DNAJC11: variants seen among roughly 807,000 people sequenced by gnomAD.
DNAJC11 encodes DnaJ heat shock protein family (Hsp40) member C11, also known as dnaJ homolog subfamily C member 11.
Under a neutral mutation model 78.6 loss-of-function variants are expected in DNAJC11, and 15 were observed. The ratio of observed to expected loss-of-function variants is 0.19; its 90% CI spans 0.13 to 0.29. The LOEUF (loss-of-function observed/expected upper bound fraction) is 0.29, where lower values mean the gene tolerates loss of function less well. Ranked by LOEUF, DNAJC11 falls within the 10% of genes least tolerant of loss-of-function variation. The pLI, the probability that DNAJC11 is intolerant of heterozygous loss-of-function variation, is 1.00. For synonymous variants in DNAJC11, 292 were observed against 272.1 expected (o/e 1.07, Z -0.72); for missense variants, 547 against 709.6 (o/e 0.77, Z 2.60).
In DNAJC11 at chr1:6,645,992, G is replaced by A. The variant is rs776886622; in HGVS notation, c.705-14C>T. The A allele has an allele frequency of 1.2e-5, 20 of 1,613,640 alleles. No individual in the cohort carries two copies. The highest frequency in any genetic ancestry group is 1.5e-5 in the Non-Finnish European group (18 of 1,179,682). On this transcript the variant is annotated splice_polypyrimidine_tract_variant and intron_variant, in intron 7 of 15. Transcript: ENST00000377577. This position sits in a 1 kb window ranked among gnomAD's most constrained non-coding sequence, Gnocchi z 4.1. ...GTTGTCACAAAGCTGGAGAGACACA[G>A]AGACAGAATAGGTCCTGGATAGCAC...
At chr1:6,693,985 G>A (rs372849245) in intron 1 of DNAJC11, among the ~76,000 whole-genome samples, 4 of 151,698 alleles carry the variant, frequency 2.6e-5, no homozygotes, top group African/African-American at 9.7e-5. Context: ...ACAGGCGCCC[G>A]CCATCAAGTC....
At chr1:6,696,241 T>A (rs1199664122) in intron 1 of DNAJC11, among the ~76,000 whole-genome samples, 1 of 152,272 alleles carries the variant, frequency 6.6e-6, no homozygotes, top group Non-Finnish European at 1.5e-5. Flanking sequence ...AGAGCCATCT[T>A]TATTTTTTAT....
chr1:6,692,159 CA>C (rs1183001699), intron 1 of DNAJC11, among the ~76,000 whole-genome samples: 2 of 152,122 alleles, frequency 1.3e-5, no homozygotes, highest in Non-Finnish European at 2.9e-5. Flanking sequence ...AAAATTAGAG[CA>C]TTAACATTTC....
chr1:6,653,431 C>A lies in DNAJC11; in HGVS notation c.507+480G>T, dbSNP rs1224582900. On this transcript the variant is annotated intron_variant, in intron 5 of 15. Coordinates refer to ENST00000377577, the MANE Select transcript of DNAJC11 (RefSeq NM_018198.4). The surrounding 1 kb of genome is among the most constrained non-coding windows in gnomAD (Gnocchi z 4.5). ...AATTAATGAGCTGAGGAGACAAAGA[C>A]CTACTATAAACGCTCAGGAGAATGA... Among the ~76,000 whole-genome samples the A allele has an allele frequency of 2.0e-5, 3 of 152,176 alleles. No individual in the cohort carries two copies. The highest frequency in any genetic ancestry group is 4.4e-5 in the Non-Finnish European group (3 of 68,030).
chr1:6,671,401 C>T (rs1172829738), intron 3 of DNAJC11, among the ~76,000 whole-genome samples: 1 of 151,958 alleles, frequency 6.6e-6, no homozygotes, highest in Non-Finnish European at 1.5e-5. Flanking sequence ...TGCCACCACG[C>T]CCGGCTAATT....
intron 4 of DNAJC11, among the ~76,000 whole-genome samples, chr1:6,655,848 A>G (rs1486562768): frequency 6.6e-6 from 1 of 151,962 alleles, no homozygotes. Context: ...TCATGCCTGT[A>G]ATCCCAGCAC....
At chr1:6,664,262 C>CA (rs1334477127) in intron 4 of DNAJC11, among the ~76,000 whole-genome samples, 7 of 147,306 alleles carry the variant, frequency 4.8e-5, no homozygotes, top group South Asian at 4.3e-4. Context: ...TTTTTTGAGA[C>CA]AGAGTCTCAC....
At position 6,649,501 on chromosome 1, in the gene DNAJC11, C is replaced by T. The variant is rs192818619; in HGVS notation, c.704+2028G>A. ...ACTGCTTTGGTGCCTAAGCGGCCTC[C>T]GCCTGCCCCACAGGCCACGTCCTCC... On this transcript the variant is annotated intron_variant, in intron 7 of 15. Transcript: ENST00000377577. Among the ~76,000 whole-genome samples, 9 of 152,216 alleles carry T rather than the reference C, an allele frequency of 5.9e-5. No homozygotes were observed. In the East Asian group the frequency reaches 1.4e-3, roughly 23 times the overall value.
chr1:6,692,353 G>A (rs567845312), intron 1 of DNAJC11, among the ~76,000 whole-genome samples: 313 of 151,758 alleles, frequency 2.1e-3, no homozygotes, highest in Non-Finnish European at 3.3e-3. Context: ...TCCACTTCCC[G>A]GGCACCCTCT....
chr1:6,647,132 G>A (rs1031514402), intron 7 of DNAJC11, among the ~76,000 whole-genome samples: 2 of 145,174 alleles, frequency 1.4e-5, no homozygotes, highest in Admixed American at 1.4e-4. Flanking sequence ...AGGCTGGAGT[G>A]CAGTAGCGTG....
chr1:6,688,942 T>G (rs528813515), intron 1 of DNAJC11, among the ~76,000 whole-genome samples: 59 of 152,336 alleles, frequency 3.9e-4, no homozygotes, highest in African/African-American at 1.3e-3. Flanking sequence ...TAATGGTGAC[T>G]CAGACAGCCA....
chr1:6,669,976 C>T (rs1297905295), intron 3 of DNAJC11, among the ~76,000 whole-genome samples: 2 of 149,086 alleles, frequency 1.3e-5, no homozygotes, highest in South Asian at 2.1e-4. Context: ...TTTTTTGAGA[C>T]GGAGTCTTGC....
chr1:6,641,406 T>TACACAC lies in DNAJC11; in HGVS notation c.1098-1355_1098-1350dup, dbSNP rs70981395. ...AAAAAAAAAAATATATATATATATATACACACACACACACACACACACACA... is the reference window on the plus strand; with the variant it reads ...AAAAAAAAAAATATATATATATATATACACACACACACACACACACACACACACACA... On this transcript the variant is annotated intron_variant, in intron 10 of 15. Transcript: ENST00000377577. 4.8e-3 allele frequency among the ~76,000 whole-genome samples: 668 copies of TACACAC among 140,130 alleles called. 1 individual carries two copies. The highest frequency in any genetic ancestry group is 6.4e-3 in the African/African-American group (236 of 36,870). 91.9% of individuals were successfully genotyped at this position (140,130 alleles called of 152,430 possible). A position where few individuals can be genotyped will look rare whatever the true frequency, so the allele number is the denominator to read the frequency against.
intron 1 of DNAJC11, among the ~76,000 whole-genome samples, chr1:6,689,816 G>T (rs2147884042): frequency 6.6e-6 from 1 of 151,986 alleles, no homozygotes; most frequent in Non-Finnish European, 1.5e-5. Flanking sequence ...CTGAACTGGA[G>T]AAAGGGCTAT....
Position 6,653,025 on chromosome 1 carries a change from C to A in DNAJC11, c.508-74G>T. ...GCCAATGGCAGCAGCCTAAAGAACGCACTGTGAGCCCAAGGCCAAAGGTGC... is the reference window on the plus strand; with the variant it reads ...GCCAATGGCAGCAGCCTAAAGAACGAACTGTGAGCCCAAGGCCAAAGGTGC... On this transcript the variant is annotated intron_variant, in intron 5 of 15. Coordinates refer to ENST00000377577, the MANE Select transcript of DNAJC11 (RefSeq NM_018198.4). The surrounding 1 kb of genome is among the most constrained non-coding windows in gnomAD (Gnocchi z 4.5). 2 of 1,586,776 alleles carry A rather than the reference C, an allele frequency of 1.3e-6. No individual in the cohort carries two copies. Among genetic ancestry groups the A allele is most frequent in the Non-Finnish European group, 1.7e-6 (2 of 1,160,586 alleles).
intron 4 of DNAJC11, among the ~76,000 whole-genome samples, chr1:6,658,887 T>A (rs1642168626): frequency 6.6e-6 from 1 of 152,172 alleles, no homozygotes; most frequent in South Asian, 2.1e-4. Flanking sequence ...TAATTCCTGA[T>A]CCAAGTTAAT....
rs775514103 is a variant in DNAJC11, at chr1:6,667,746, C to T, written c.341G>A (p.Arg114Lys). Residue 114 changes from arginine (R) to lysine (K), a missense_variant, in exon 4 of 16, where the codon AGA becomes AAA. Transcript: ENST00000377577. ...TCGCTGCTGCAATCTCCTCTCTTCT[C>T]TCTCTCTCTGCAGCCGCTCAAACTC... ...REEFERLQRE[R>K]EERRLQQRTN... 1 of 1,611,104 alleles carries T rather than the reference C, an allele frequency of 6.2e-7. No homozygotes were observed. Among genetic ancestry groups the T allele is most frequent in the African/African-American group, 1.3e-5 (1 of 74,876 alleles).
At chr1:6,635,737 T>A (rs1275173371) in intron 15 of DNAJC11, 37 bp from the exon 16 acceptor site, 1 of 1,613,836 alleles carries the variant, frequency 6.2e-7, no homozygotes, top group Admixed American at 1.7e-5. Context: ...GATCAGAAGG[T>A]GGCCATTCCC....
At position 6,637,296 on chromosome 1, in the gene DNAJC11, T is replaced by C. The variant is rs1194553963; in HGVS notation, c.1426A>G (p.Lys476Glu). The C allele has an allele frequency of 3.7e-6, 6 of 1,614,210 alleles. No homozygotes were observed. Among genetic ancestry groups the C allele is most frequent in the Non-Finnish European group, 5.1e-6 (6 of 1,180,042 alleles). ...TTCACCTTCTCGCTCTTCCTGCTCT[T>C]GTCATTGACAAACTTCCCGTACCAG... ...NAWYGKFVND[K>E]SRKSEKVKVI... The change falls in exon 14 of 16, where the codon AAG (lysine) becomes GAG (glutamate). Residue 476 changes from lysine (K) to glutamate (E), a missense_variant. Transcript: ENST00000377577.
Sources: gnomAD v4.1 joint callset for allele counts (sites outside exome capture counted in the v4.1 genomes callset) on GRCh38, gnomAD v4.1.1 for gene constraint, Gnocchi (gnomAD v3.1) non-coding constraint, MANE v1.5 for transcripts, NCBI Gene and HGNC (gene_info 2026-07-23, HGNC 2026-07-21) for gene names.